KIAA1217: variants seen among roughly 807,000 people sequenced by gnomAD.
KIAA1217 encodes sickle tail protein homolog.
Under a neutral mutation model 163.9 loss-of-function variants are expected in KIAA1217, and 88 were observed. The ratio of observed to expected loss-of-function variants is 0.54; its 90% CI spans 0.45 to 0.64. The LOEUF is 0.64. Ranked by LOEUF, KIAA1217 falls within the 30% of genes least tolerant of loss-of-function variation. The probability of loss-of-function intolerance (pLI) is 0.00; values close to 1 mark genes in which losing one functional copy is unlikely to be tolerated. For missense variants in KIAA1217, 2,372 were observed against 2,475.0 expected (o/e 0.96, Z 0.88); for synonymous variants, 903 against 923.1 (o/e 0.98, Z 0.39).
intron 2 of KIAA1217, among the ~76,000 whole-genome samples, chr10:24,223,582 C>T (rs1443831459): frequency 6.6e-6 from 1 of 152,156 alleles, no homozygotes; most frequent in African/African-American, 2.4e-5. Flanking sequence ...GCTCTTCTGG[C>T]AGCTGTTTTT....
intron 2 of KIAA1217, among the ~76,000 whole-genome samples, chr10:24,328,543 A>G (rs371264314): frequency 1.3e-5 from 2 of 152,062 alleles, no homozygotes; most frequent in South Asian, 2.1e-4. Flanking sequence ...GCTCTATGGA[A>G]CAAGTGAGTC....
At chr10:24,027,606 AC>A (rs1848015254) in intron 2 of KIAA1217, among the ~76,000 whole-genome samples, 1 of 152,166 alleles carries the variant, frequency 6.6e-6, no homozygotes, top group African/African-American at 2.4e-5. Context: ...ATATTATAAA[AC>A]ATGCTAAAAA....
intron 1 of KIAA1217, among the ~76,000 whole-genome samples, chr10:23,739,322 G>T (rs909797345): frequency 6.6e-6 from 1 of 152,144 alleles, no homozygotes; most frequent in African/African-American, 2.4e-5. Context: ...TAAAAGCCAA[G>T]ATTTGACCAC....
At chr10:24,133,622 C>T (rs1373288650) in intron 2 of KIAA1217, among the ~76,000 whole-genome samples, 1 of 151,448 alleles carries the variant, frequency 6.6e-6, no homozygotes, top group African/African-American at 2.4e-5. Flanking sequence ...CTCTTCTTTA[C>T]TTCAACCCTG....
At position 24,543,642 on chromosome 10, in the gene KIAA1217, A is replaced by G. The variant is rs770049122; in HGVS notation, c.4372A>G (p.Lys1458Glu). The change falls in exon 19 of 21, where the codon AAG becomes GAG. Residue 1458 changes from lysine (K) to glutamate (E), a missense_variant. By Grantham distance (56) the Lys-to-Glu change is moderately conservative. Transcript: ENST00000376454. The stretch of plus-strand genomic sequence containing the variant: ...GCCCATGGACATCCGGTCTGCCTAT[A>G]AGAGACTTTCAACTATCTTTGAGGA... Reference protein sequence around the residue: ...DEPMDIRSAYKRLSTIFEECD... With the variant: ...DEPMDIRSAYERLSTIFEECD... 8 of 1,614,158 alleles carry G rather than the reference A, an allele frequency of 5.0e-6. No individual in the cohort carries two copies. The highest frequency in any genetic ancestry group is 6.8e-6 in the Non-Finnish European group (8 of 1,180,026).
At chr10:24,030,703 T>C (rs1848154201) in intron 2 of KIAA1217, among the ~76,000 whole-genome samples, 1 of 152,166 alleles carries the variant, frequency 6.6e-6, no homozygotes, top group African/African-American at 2.4e-5. Flanking sequence ...ATAGCCACCA[T>C]CCTACTTTCT....
chr10:24,455,280 T>C (rs11014095), intron 5 of KIAA1217, among the ~76,000 whole-genome samples: 142 of 152,336 alleles, frequency 9.3e-4, no homozygotes, highest in Non-Finnish European at 1.9e-3. Context: ...TATGTACTCA[T>C]ATACATAGAG....
intron 3 of KIAA1217, among the ~76,000 whole-genome samples, chr10:24,422,438 TATA>T (rs150061993): frequency 0.033 from 5,040 of 152,308 alleles, 131 homozygotes; most frequent in African/African-American, 0.076. Flanking sequence ...AGCATTTTCT[TATA>T]ATATTTTCTC....
rs527598860 is a variant in KIAA1217, at chr10:24,013,163, A to G, written c.-171+5789A>G. Among the ~76,000 whole-genome samples, 3 of 152,188 alleles carry G rather than the reference A, an allele frequency of 2.0e-5. No individual in the cohort carries two copies. The East Asian group carries it at 5.8e-4, about 30-fold the overall frequency. On this transcript the variant is annotated intron_variant, in intron 2 of 18. Transcript: ENST00000376462. ...ATGTTCAGTGGTGATTTCACTGTTT[A>G]AAAATGGCGCCCCTAAGCAATGTAC...
chr10:24,355,949 A>G (rs1045162501), intron 2 of KIAA1217, among the ~76,000 whole-genome samples: 4 of 150,740 alleles, frequency 2.7e-5, no homozygotes, highest in African/African-American at 7.3e-5. Context: ...GGATTTCACT[A>G]TATTGGTCAG....
chr10:23,821,497 C>T (rs989954864), intron 1 of KIAA1217, among the ~76,000 whole-genome samples: 12 of 152,142 alleles, frequency 7.9e-5, no homozygotes, highest in Non-Finnish European at 1.6e-4. Flanking sequence ...CTTCCTGGGC[C>T]ATATTCCAAA....
At chr10:24,391,359 T>G (rs1403155100) in intron 3 of KIAA1217, among the ~76,000 whole-genome samples, 5 of 116,550 alleles carry the variant, frequency 4.3e-5, no homozygotes, top group Admixed American at 1.8e-4. Context: ...TTTTTTTTTT[T>G]TGTGAGACGG....
chr10:24,447,109 C>T (rs891112631), intron 5 of KIAA1217, among the ~76,000 whole-genome samples: 1 of 152,152 alleles, frequency 6.6e-6, no homozygotes, highest in Non-Finnish European at 1.5e-5. Flanking sequence ...TTCCATAGAA[C>T]TTCACCTCCC....
At chr10:24,538,732 G>GTT (rs756717624) in intron 17 of KIAA1217, among the ~76,000 whole-genome samples, 3,277 of 87,702 alleles carry the variant, frequency 0.037, 604 homozygotes, top group African/African-American at 0.088. Context: ...ATTGTTTTTG[G>GTT]TTTTTTTTTT....
At chr10:23,870,010 A>G (rs1224180422) in intron 1 of KIAA1217, among the ~76,000 whole-genome samples, 1 of 152,150 alleles carries the variant, frequency 6.6e-6, no homozygotes, top group East Asian at 1.9e-4. Flanking sequence ...TTTTTCATAA[A>G]TATATTTTTG....
At chr10:23,828,487 C>T (rs1010293723) in intron 1 of KIAA1217, among the ~76,000 whole-genome samples, 5 of 152,122 alleles carry the variant, frequency 3.3e-5, no homozygotes, top group African/African-American at 1.2e-4. Context: ...CCGTGAATGC[C>T]AGGCTATCAA....
chr10:23,897,660 A>G (rs952268483), intron 1 of KIAA1217, among the ~76,000 whole-genome samples: 3 of 152,032 alleles, frequency 2.0e-5, no homozygotes, highest in Non-Finnish European at 4.4e-5. Flanking sequence ...TGTAAAACCA[A>G]CTGGTGGCTA....
At chr10:24,110,335 TG>T (rs997271119) in intron 2 of KIAA1217, among the ~76,000 whole-genome samples, 96 of 152,164 alleles carry the variant, frequency 6.3e-4, no homozygotes, top group African/African-American at 2.2e-3. Context: ...TCAGTGCTCG[TG>T]GGGAGCCAAA....
chr10:24,143,969 A>G (rs1373089665), intron 2 of KIAA1217, among the ~76,000 whole-genome samples: 1 of 152,218 alleles, frequency 6.6e-6, no homozygotes, highest in Non-Finnish European at 1.5e-5. Context: ...CAGCTGATTT[A>G]GGGTTAAGTC....
Sources: allele counts gnomAD v4.1 joint callset (sites outside exome capture counted in the v4.1 genomes callset), GRCh38; gene constraint gnomAD v4.1.1; transcripts MANE v1.5; gene names NCBI Gene and HGNC (gene_info 2026-07-23, HGNC 2026-07-21).